Variants in TMEM45B observed in about 807,000 individuals in gnomAD.
TMEM45B encodes transmembrane protein 45B.
Under a neutral mutation model 27.3 loss-of-function variants are expected in TMEM45B, and 29 were observed. The ratio of observed to expected loss-of-function variants is 1.06; its 90% CI spans 0.79 to 1.45. The LOEUF (loss-of-function observed/expected upper bound fraction) is 1.45. TMEM45B is among the 40% of genes most tolerant of loss of function. The pLI, the probability that TMEM45B is intolerant of heterozygous loss-of-function variation, is 0.00. For missense variants in TMEM45B, 348 were observed against 343.9 expected (o/e 1.01, Z -0.09); for synonymous variants, 143 against 134.7 (o/e 1.06, Z -0.43).
At chr11:129,844,800 G>A (rs544406887) in intron 1 of TMEM45B, among the ~76,000 whole-genome samples, 106 of 152,268 alleles carry the variant, frequency 7.0e-4, no homozygotes, top group Non-Finnish European at 1.3e-3. Context: ...TGATAACTCT[G>A]TTAATTAGCT....
intron 2 of TMEM45B, among the ~76,000 whole-genome samples, chr11:129,854,150 G>T (rs996159152): frequency 3.3e-5 from 5 of 152,166 alleles, no homozygotes; most frequent in African/African-American, 9.7e-5. Flanking sequence ...CCCTTGGCAC[G>T]TACAGGTATC....
chr11:129,827,361 C>A (rs906322222), intron 1 of TMEM45B, among the ~76,000 whole-genome samples: 4 of 152,212 alleles, frequency 2.6e-5, no homozygotes, highest in African/African-American at 9.6e-5. Context: ...GCACTGTTAG[C>A]AGATGCTGAA....
chr11:129,818,860 C>A (rs1159328970), intron 1 of TMEM45B, among the ~76,000 whole-genome samples: 3 of 152,156 alleles, frequency 2.0e-5, no homozygotes, highest in Admixed American at 6.5e-5. Context: ...AAAAATAAAG[C>A]AAGTACCTCA....
Position 129,858,598 on chromosome 11 carries a change from CGGAAG to C in TMEM45B, c.744_748del (p.Gly250AsnfsTer11). 6.3e-7 allele frequency: 1 copy of C among 1,587,836 alleles called. No homozygotes were observed. Among genetic ancestry groups the C allele is most frequent in the Non-Finnish European group, 8.6e-7 (1 of 1,166,126 alleles). On this transcript the variant is annotated frameshift_variant, in exon 6 of 6. Transcript: ENST00000281441. LOFTEE classifies it high-confidence loss of function. ...GCCTTTTGACTCGGATGAAGAGACA[CGGAAG>C]GGGAGAAATCATTGGAATTCAGAAG...
chr11:129,833,601 C>T (rs2135568484), intron 1 of TMEM45B, among the ~76,000 whole-genome samples: 1 of 152,138 alleles, frequency 6.6e-6, no homozygotes, highest in Admixed American at 6.5e-5. Flanking sequence ...ATGGTGAAAC[C>T]TCGTCTCTAC....
In TMEM45B at chr11:129,840,418, G is replaced by A. The variant is rs1200882952; in HGVS notation, c.-8-12057G>A. Among the ~76,000 whole-genome samples, 9 of 152,320 alleles carry A rather than the reference G, an allele frequency of 5.9e-5. 1 individual carries two copies. The highest frequency in any genetic ancestry group is 2.2e-4 in the African/African-American group (9 of 41,562). On this transcript the variant is annotated intron_variant, in intron 1 of 5. Transcript: ENST00000281441. ...CTGCTTCTGAGAAAAATGAGGAAGT[G>A]CAGGGAGGAGGGAAGCCGGTTAGTC...
At chr11:129,852,705 C>G (rs1192801790) in intron 2 of TMEM45B, 45 bp downstream of exon 2, 4 of 1,547,322 alleles carry the variant, frequency 2.6e-6, no homozygotes, top group African/African-American at 1.4e-5. Context: ...CTCATCATAC[C>G]CAGAACCTTT....
intron 1 of TMEM45B, among the ~76,000 whole-genome samples, chr11:129,845,898 AG>A: frequency 6.6e-6 from 1 of 152,328 alleles, no homozygotes; most frequent in East Asian, 1.9e-4. Context: ...AGCAAAAGGT[AG>A]GGTGGGTGGA....
At position 129,825,211 on chromosome 11, in the gene TMEM45B, G is replaced by A. The variant is rs527658435; in HGVS notation, c.-9+9313G>A. On this transcript the variant is annotated intron_variant, in intron 1 of 5. Transcript: ENST00000281441. ...GAGACCAAATGAGATCATTGCTGCA[G>A]GCACAGAAGGGAAAGAGAAAATACC... Among the ~76,000 whole-genome samples the A allele has an allele frequency of 2.0e-5, 3 of 152,274 alleles. No individual in the cohort carries two copies. In the South Asian group the frequency reaches 6.2e-4, roughly 32 times the overall value.
chr11:129,838,907 AT>A (rs905414026), intron 1 of TMEM45B, among the ~76,000 whole-genome samples: 3 of 152,030 alleles, frequency 2.0e-5, no homozygotes, highest in African/African-American at 7.2e-5. Context: ...TTCCTGCTTT[AT>A]TTTTTTAAAG....
intron 1 of TMEM45B, among the ~76,000 whole-genome samples, chr11:129,851,603 G>A (rs1180845315): frequency 1.3e-5 from 2 of 150,060 alleles, no homozygotes; most frequent in Non-Finnish European, 3.0e-5. Flanking sequence ...CCTGGATTTT[G>A]GAGGGGACAC....
At chr11:129,842,609 T>C (rs914612532) in intron 1 of TMEM45B, among the ~76,000 whole-genome samples, 3 of 152,054 alleles carry the variant, frequency 2.0e-5, no homozygotes, top group African/African-American at 7.2e-5. Context: ...AATAAGGAAA[T>C]TGGATCTTTA....
intron 3 of TMEM45B, 46 bp from the exon 4 acceptor site, chr11:129,855,662 T>C: frequency 3.1e-6 from 5 of 1,607,550 alleles, no homozygotes; most frequent in Non-Finnish European, 4.3e-6. Context: ...TCGGTGATGG[T>C]GAAAGCCAAG....
chr11:129,856,548 C>T (rs983045044), intron 4 of TMEM45B, among the ~76,000 whole-genome samples: 2 of 140,988 alleles, frequency 1.4e-5, no homozygotes, highest in African/African-American at 5.3e-5. Flanking sequence ...CAAAATTAAG[C>T]TGAAGCCTTT....
chr11:129,826,567 A>AAAGAAAAGAAAAAT (rs1199881268), intron 1 of TMEM45B, among the ~76,000 whole-genome samples: 1 of 96,126 alleles, frequency 1.0e-5, no homozygotes. Context: ...AAAAAAAAAA[A>AAAGAAAAGAAAAAT]AGGACCCTGA....
In TMEM45B at chr11:129,859,223, T is replaced by G. The variant is rs1947975273; in HGVS notation, c.*538T>G. Reference sequence around the variant, plus strand: ...AGCTTTGGTATTTTAAAATTATTGTTAAACATATCATAACTAATCATACCA... The same window carrying G: ...AGCTTTGGTATTTTAAAATTATTGTGAAACATATCATAACTAATCATACCA... On this transcript the variant is annotated 3_prime_UTR_variant, in exon 6 of 6. Coordinates refer to ENST00000281441, the MANE Select transcript of TMEM45B (RefSeq NM_138788.5). The G allele has an allele frequency of 6.6e-6, 1 of 152,270 alleles. No homozygotes were observed. The highest frequency in any genetic ancestry group is 1.5e-5 in the Non-Finnish European group (1 of 68,102). 9.4% of individuals were successfully genotyped at this position (152,270 alleles called of 1,614,324 possible).
intron 1 of TMEM45B, among the ~76,000 whole-genome samples, chr11:129,843,473 T>C (rs1423294289): frequency 6.6e-6 from 1 of 152,200 alleles, no homozygotes; most frequent in African/African-American, 2.4e-5. Flanking sequence ...GCAGTTTTGA[T>C]TTCTTCTTTG....
chr11:129,818,419 T>A (rs2135547227), intron 1 of TMEM45B, among the ~76,000 whole-genome samples: 1 of 152,346 alleles, frequency 6.6e-6, no homozygotes, highest in Middle Eastern at 3.4e-3. Context: ...GTTGAAATCA[T>A]AATGGGGCTT....
chr11:129,841,818 G>A (rs1947699518), intron 1 of TMEM45B, among the ~76,000 whole-genome samples: 1 of 151,848 alleles, frequency 6.6e-6, no homozygotes, highest in Admixed American at 6.6e-5. Context: ...GGCTAGTCTT[G>A]AACTCCTGAC....
Sources: gnomAD v4.1 joint callset for allele counts (sites outside exome capture counted in the v4.1 genomes callset) on GRCh38, gnomAD v4.1.1 for gene constraint, MANE v1.5 for transcripts, NCBI Gene and HGNC (gene_info 2026-07-23, HGNC 2026-07-21) for gene names.